Variants in GRIK3 observed in about 807,000 individuals in gnomAD.
GRIK3 encodes the protein glutamate ionotropic receptor kainate type subunit 3.
Under a neutral mutation model 102.5 loss-of-function variants are expected in GRIK3, and 29 were observed. The observed-to-expected ratio is 0.28, with a 90% CI of 0.21 to 0.39. The LOEUF (loss-of-function observed/expected upper bound fraction) is 0.39, where lower values mean the gene tolerates loss of function less well. GRIK3 is among the 10% of genes least tolerant of loss of function. The probability of loss-of-function intolerance (pLI) is 1.00; values close to 1 mark genes in which losing one functional copy is unlikely to be tolerated. For synonymous variants in GRIK3, 511 were observed against 504.9 expected (o/e 1.01, Z -0.16); for missense variants, 908 against 1,252.4 (o/e 0.73, Z 4.15).
At chr1:36,945,037 G>A (rs1240680903) in intron 1 of GRIK3, among the ~76,000 whole-genome samples, 2 of 152,236 alleles carry the variant, frequency 1.3e-5, no homozygotes, top group African/African-American at 4.8e-5. Context: ...TGGGCAGCAG[G>A]TGTGCCCAGC....
At chr1:36,963,304 C>A (rs1215201224) in intron 1 of GRIK3, among the ~76,000 whole-genome samples, 1 of 152,138 alleles carries the variant, frequency 6.6e-6, no homozygotes, top group East Asian at 1.9e-4. Flanking sequence ...GAAAACAGCT[C>A]TGGGAATAAA....
At chr1:36,870,015 G>C (rs1294185131) in intron 4 of GRIK3, among the ~76,000 whole-genome samples, 1 of 152,236 alleles carries the variant, frequency 6.6e-6, no homozygotes, top group African/African-American at 2.4e-5. Context: ...AGTCACCTGG[G>C]ACAGATTAAA....
chr1:36,965,633 C>T (rs1035634294), intron 1 of GRIK3, among the ~76,000 whole-genome samples: 1 of 152,156 alleles, frequency 6.6e-6, no homozygotes, highest in Admixed American at 6.5e-5. Context: ...GTCATTTCTT[C>T]TCCATTTGAC....
intron 1 of GRIK3, among the ~76,000 whole-genome samples, chr1:36,951,479 G>A (rs921512745): frequency 1.3e-5 from 2 of 152,204 alleles, no homozygotes; most frequent in African/African-American, 4.8e-5. Context: ...ACTGCTGGGG[G>A]ACCAAGTGGC....
chr1:36,906,704 G>A (rs933077413), intron 1 of GRIK3, among the ~76,000 whole-genome samples: 3 of 152,176 alleles, frequency 2.0e-5, no homozygotes, highest in Admixed American at 1.3e-4. Context: ...GCTGGCAGCC[G>A]CAGACAATGT....
rs150987305 is a variant in GRIK3, at chr1:36,837,256, C to G, written c.1530+4480G>C. Among the ~76,000 whole-genome samples, 280 of 152,294 alleles carry G rather than the reference C, an allele frequency of 1.8e-3. 1 individual carries two copies. Among genetic ancestry groups the G allele is most frequent in the African/African-American group, 6.6e-3 (275 of 41,562 alleles). ...TCCAAGTGCCCAGCCACAGGGCCAC[C>G]ATCTACAGGGACCCCAATCCCAACA... On this transcript the variant is annotated intron_variant, in intron 10 of 15. Coordinates refer to ENST00000373091, the MANE Select transcript of GRIK3 (RefSeq NM_000831.4).
chr1:36,919,672 T>A (rs986955102), intron 1 of GRIK3, among the ~76,000 whole-genome samples: 1 of 152,194 alleles, frequency 6.6e-6, no homozygotes, highest in Non-Finnish European at 1.5e-5. Flanking sequence ...CTCAAGGAAC[T>A]GCTGCTCCCA....
chr1:36,880,614 A>C lies in GRIK3; in HGVS notation c.550+20T>G. On this transcript the variant is annotated intron_variant, in intron 3 of 15. Transcript: ENST00000373091. This position sits in a 1 kb window ranked among gnomAD's most constrained non-coding sequence, Gnocchi z 5.4. ...CCCCCTCAACCGTTGCCCCCAGCCT[A>C]GCCAGGCCTGGCCACCCACCTGTAC... 6.2e-7 allele frequency: 1 copy of C among 1,612,386 alleles called. No individual in the cohort carries two copies. The highest frequency in any genetic ancestry group is 8.5e-7 in the Non-Finnish European group (1 of 1,178,580).
chr1:36,885,309 A>G (rs2124267662), intron 2 of GRIK3, among the ~76,000 whole-genome samples: 1 of 152,236 alleles, frequency 6.6e-6, no homozygotes, highest in South Asian at 2.1e-4. Flanking sequence ...TATCAGTGGG[A>G]TGGTGGCAGA....
At chr1:36,944,362 C>T (rs1041150667) in intron 1 of GRIK3, among the ~76,000 whole-genome samples, 9 of 149,392 alleles carry the variant, frequency 6.0e-5, no homozygotes, top group African/African-American at 2.3e-4. Flanking sequence ...AGAGATGGCA[C>T]AGGGAATCCC....
At chr1:36,988,829 A>G (rs2124373098) in intron 1 of GRIK3, among the ~76,000 whole-genome samples, 1 of 152,356 alleles carries the variant, frequency 6.6e-6, no homozygotes, top group East Asian at 1.9e-4. Flanking sequence ...TCTAACTGCA[A>G]TTAGCCCTTC....
chr1:37,006,678 G>A (rs1642536152), intron 1 of GRIK3, among the ~76,000 whole-genome samples: 2 of 152,358 alleles, frequency 1.3e-5, no homozygotes, highest in African/African-American at 4.8e-5. Flanking sequence ...CTAGACATCA[G>A]AGCAGGAGCT....
At chr1:36,985,996 C>T (rs879693052) in intron 1 of GRIK3, among the ~76,000 whole-genome samples, 7 of 151,752 alleles carry the variant, frequency 4.6e-5, no homozygotes, top group South Asian at 2.1e-4. Flanking sequence ...GAGACATGCC[C>T]GCTCCAGGAG....
Position 36,841,742 on chromosome 1 carries a change from G to A in GRIK3, c.1524C>T (p.Ile508=), listed in dbSNP as rs747259388. 15 of 1,612,938 alleles carry A rather than the reference G, an allele frequency of 9.3e-6. No individual in the cohort carries two copies. The highest frequency in any genetic ancestry group is 4.0e-5 in the African/African-American group (3 of 74,878). The part of the protein sequence containing the change: ...GQWNGMVKEL[I]DHKADLAVAP... ...TGCTCCCATCCATGCTTACGTGGTC[G>A]ATGAGCTCCTTGACCATGCCGTTCC... The change falls in exon 10 of 16, where the codon ATC becomes ATT. Residue 508 remains isoleucine (I), a synonymous_variant. Coordinates refer to ENST00000373091, the MANE Select transcript of GRIK3 (RefSeq NM_000831.4).
rs1642859885 is a variant in GRIK3 at position 37,034,051 on chromosome 1, G to A, written c.58C>T (p.Leu20Phe). ...SLVWEYWAGL[L>F]VCAFWIPDSR... ...TCCGGGATCCAGAAGGCGCACACGA[G>A]GAGCCCGGCCCAGTATTCCCAAACC... The change falls in exon 1 of 16, where the codon CTC becomes TTC. Residue 20 changes from leucine (L) to phenylalanine (F), a missense_variant. Physicochemically the swap from Leu to Phe is conservative, Grantham distance 22 (BLOSUM62 0). Around this residue, in one of 3 missense-constraint regions of GRIK3, gnomAD observed 585 missense variants for 824.9 expected, o/e 0.71. Coordinates refer to ENST00000373091, the MANE Select transcript of GRIK3 (RefSeq NM_000831.4). 1 of 1,606,624 alleles carries A rather than the reference G, an allele frequency of 6.2e-7. No individual in the cohort carries two copies. The highest frequency in any genetic ancestry group is 1.7e-5 in the Admixed American group (1 of 59,598).
intron 1 of GRIK3, among the ~76,000 whole-genome samples, chr1:37,029,205 T>C (rs548422326): frequency 5.3e-5 from 8 of 152,300 alleles, no homozygotes; most frequent in Admixed American, 3.3e-4. Flanking sequence ...TCCGTTTCCA[T>C]ACCAGGCAGG....
At chr1:36,913,561 A>G (rs1297830589) in intron 1 of GRIK3, among the ~76,000 whole-genome samples, 1 of 152,248 alleles carries the variant, frequency 6.6e-6, no homozygotes, top group Non-Finnish European at 1.5e-5. Context: ...CACTAATTAT[A>G]GAATCAACTT....
At chr1:36,992,374 C>G (rs371650786) in intron 1 of GRIK3, among the ~76,000 whole-genome samples, 6 of 152,200 alleles carry the variant, frequency 3.9e-5, no homozygotes, top group African/African-American at 1.4e-4. Flanking sequence ...GGAAATCAGA[C>G]AGCCTGAGGG....
Position 36,892,515 on chromosome 1 carries a change from C to CAAA in GRIK3, c.116-1422_116-1420dup, listed in dbSNP as rs11375993. Among the ~76,000 whole-genome samples the CAAA allele has an allele frequency of 1.1e-3, 150 of 141,002 alleles. 2 individuals carry two copies. Among genetic ancestry groups the CAAA allele is most frequent in the East Asian group, 6.8e-3 (33 of 4,860 alleles). The allele number at this position is 141,002 out of a possible 152,430, so 92.5% of individuals were successfully genotyped here. A position where few individuals can be genotyped will look rare whatever the true frequency, so the allele number is the denominator to read the frequency against. On this transcript the variant is annotated intron_variant, in intron 1 of 15. Transcript: ENST00000373091. ...AGAAAAAAATTAAAAATGACCAGCA[C>CAAA]AAAAAAAAAAAACACCTTTAATGAG... is the stretch of plus-strand genomic sequence containing the variant.
Sources: allele counts gnomAD v4.1 joint callset (sites outside exome capture counted in the v4.1 genomes callset), GRCh38; gene constraint gnomAD v4.1.1; regional missense constraint gnomAD v4.1.1; non-coding constraint Gnocchi (gnomAD v3.1); transcripts MANE v1.5; gene names NCBI Gene and HGNC (gene_info 2026-07-23, HGNC 2026-07-21).